KCNC4: variants seen among roughly 807,000 people sequenced by gnomAD.
KCNC4 encodes the protein voltage-gated potassium channel KCNC4.
A neutral mutation model predicts 42.8 loss-of-function variants in KCNC4; 23 were observed. The observed-to-expected ratio is 0.54, with a 90% CI of 0.39 to 0.76. KCNC4 has a LOEUF of 0.76. Among genes scored for constraint, KCNC4 ranks in the 30% least tolerant of loss-of-function variants. KCNC4 has a pLI of 0.00. For missense variants in KCNC4, 751 were observed against 898.2 expected, an observed-to-expected ratio of 0.84 and a Z score of 2.10; for synonymous variants, 422 against 393.5, an observed-to-expected ratio of 1.07 and a Z score of -0.86.
At position 110,247,152 on chromosome 1, in the gene KCNC4, TTGG is replaced by T. The variant is rs1218600487; in HGVS notation, c.*14847_*14849del. The T allele has an allele frequency of 2.0e-5, 3 of 152,208 alleles. No individual in the cohort carries two copies. In the East Asian group the frequency reaches 5.8e-4, roughly 29 times the overall value. 9.4% of individuals were successfully genotyped at this position (152,208 alleles called of 1,614,324 possible). The stretch of plus-strand genomic sequence containing the variant: ...ATTTTCTTTATCTACTAATCATCTA[TTGG>T]TGGGCAGGGCATTTAGGTTGATTCC... On this transcript the variant is annotated 3_prime_UTR_variant, in exon 4 of 4. Transcript: ENST00000369787.
rs1658616832 is a variant in KCNC4 at position 110,230,085 on chromosome 1, T to C, written c.1820-2826T>C. On this transcript the variant is annotated intron_variant, in intron 3 of 3. Coordinates refer to ENST00000438661, the MANE Select transcript of KCNC4 (RefSeq NM_001039574.3). ...GGGGTTGGGGGTGTTGTGTAAAGCC[T>C]GTGCCCGGAGTGTCCCCATCTCGGC... 2.0e-5 allele frequency among the ~76,000 whole-genome samples: 3 copies of C among 152,294 alleles called. No individual in the cohort carries two copies. In the South Asian group the frequency reaches 6.2e-4, roughly 32 times the overall value.
rs768189871 is a variant in KCNC4, at chr1:110,211,628, C to T, written c.129C>T (p.Gly43=). 2.5e-6 allele frequency: 4 copies of T among 1,613,890 alleles called. No individual in the cohort carries two copies. In the South Asian group the frequency reaches 4.4e-5, roughly 18 times the overall value. ...EASEKIIINV[G]GTRHETYRST... is the part of the protein sequence containing the mutation. Reference sequence around the variant, plus strand: ...CGGAGAAGATCATCATCAACGTGGGCGGCACGCGACATGAGACCTACCGCA... The same window carrying T: ...CGGAGAAGATCATCATCAACGTGGGTGGCACGCGACATGAGACCTACCGCA... Residue 43 remains glycine (G), a synonymous_variant, in exon 1 of 4, where the codon GGC becomes GGT. Transcript: ENST00000438661. The surrounding 1 kb of genome is among the most constrained non-coding windows in gnomAD (Gnocchi z 6.5).
At chr1:110,254,018 G>T (rs1193693205), downstream of KCNC4, among the ~76,000 whole-genome samples, 1 of 150,628 alleles carries the variant, frequency 6.6e-6, no homozygotes, top group African/African-American at 2.4e-5. Flanking sequence ...CCTTCCTCTA[G>T]CAGGAAGGGG....
intron 1 of KCNC4, among the ~76,000 whole-genome samples, chr1:110,257,720 CA>C (rs56333861): frequency 0.014 from 1,305 of 90,904 alleles, 23 homozygotes; most frequent in African/African-American, 0.059. Flanking sequence ...GACTCCGTCT[CA>C]AAAAAAAAAA....
At chr1:110,243,694 A>AGGCAGGGAAGGGGGAGG in exon 4 of KCNC4, 1 of 152,858 alleles carries the variant, frequency 6.5e-6, no homozygotes, top group Non-Finnish European at 1.5e-5. Context: ...GAGAAAAAGC[A>AGGCAGGGAAGGGGGAGG]GGTAGGGAAG....
intron 1 of KCNC4, chr1:110,221,197 G>A (rs1363592252): frequency 2.0e-5 from 3 of 152,222 alleles, no homozygotes; most frequent in African/African-American, 7.2e-5. Context: ...CCCTGCCTGG[G>A]AGGTGGTGAA....
chr1:110,262,449 C>G (rs868302269), intron 1 of KCNC4, among the ~76,000 whole-genome samples: 5 of 152,192 alleles, frequency 3.3e-5, no homozygotes, highest in African/African-American at 1.2e-4. Flanking sequence ...TTCCTCTTCC[C>G]TAACTTCCCC....
intron 3 of KCNC4, 131 bp downstream of exon 3, chr1:110,226,309 C>G (rs267597919): frequency 8.3e-6 from 6 of 727,092 alleles, no homozygotes; most frequent in East Asian, 5.4e-5. Flanking sequence ...GGATGCACCC[C>G]CACTTTTAGA....
chr1:110,256,099 T>C (rs1431903825), intron 1 of KCNC4, among the ~76,000 whole-genome samples: 1 of 152,162 alleles, frequency 6.6e-6, no homozygotes, highest in Admixed American at 6.6e-5. Flanking sequence ...CTCTTCTGGG[T>C]GGCACTGTAC....
intron 3 of KCNC4, among the ~76,000 whole-genome samples, chr1:110,231,218 G>A (rs561953243): frequency 1.4e-4 from 21 of 152,200 alleles, no homozygotes; most frequent in Non-Finnish European, 3.1e-4. Context: ...GGAGCCAGAG[G>A]GGAGGCCATG....
chr1:110,246,766 C>CTTTTTTTTTTTTTTTTTTTTTTTTTT (rs61165830), exon 4 of KCNC4: 2 of 139,374 alleles, frequency 1.4e-5, no homozygotes, highest in Non-Finnish European at 1.5e-5. Flanking sequence ...TTTTTCTTTT[C>CTTTTTTTTTTTTTTTTTTTTTTTTTT]TTTTTTTTTT....
chr1:110,264,009 T>G (rs1570579992), intron 1 of KCNC4, among the ~76,000 whole-genome samples: 1 of 152,092 alleles, frequency 6.6e-6, no homozygotes, highest in African/African-American at 2.4e-5. Context: ...GGACTTTGCA[T>G]ACAAAAAAAG....
At chr1:110,248,560 A>G (rs1305214770) in exon 4 of KCNC4, 1 of 152,168 alleles carries the variant, frequency 6.6e-6, no homozygotes, top group Non-Finnish European at 1.5e-5. Flanking sequence ...TTTTTAAAAA[A>G]TTATTTTGGC....
At chr1:110,225,909 C>T (rs929703753) in intron 2 of KCNC4, 66 bp from the exon 3 acceptor site, 66 of 1,437,652 alleles carry the variant, frequency 4.6e-5, no homozygotes, top group Non-Finnish European at 5.7e-5. Flanking sequence ...TGGGAGACCC[C>T]AGATGACCCA....
chr1:110,247,097 T>C (rs1268842586), exon 4 of KCNC4: 2 of 152,230 alleles, frequency 1.3e-5, no homozygotes, highest in African/African-American at 2.4e-5. Flanking sequence ...TTTTTATGGC[T>C]GAATAGTATT....
intron 2 of KCNC4, 143 bp downstream of exon 2, chr1:110,224,043 T>C: frequency 1.5e-6 from 1 of 678,474 alleles, no homozygotes. Context: ...GAGGGCAAAG[T>C]GTTGAGGCCG....
exon 4 of KCNC4, chr1:110,246,249 C>T (rs1230810077): frequency 6.6e-6 from 1 of 152,216 alleles, no homozygotes; most frequent in Admixed American, 6.5e-5. Flanking sequence ...CCATCCTGAC[C>T]TCAGAAGCCA....
At chr1:110,275,994 T>G (rs1460799082) in intron 1 of KCNC4, among the ~76,000 whole-genome samples, 3 of 151,562 alleles carry the variant, frequency 2.0e-5, no homozygotes, top group Non-Finnish European at 4.4e-5. Context: ...TCATGTATTT[T>G]TCAACAAAAT....
In KCNC4 at chr1:110,233,007, C is replaced by G; in HGVS notation, c.*35C>G. ...AACGTGAGAGAGACAGGCAGACAGA[C>G]AGAAAGCCAGAGGCTTAGGGAAACT... On this transcript the variant is annotated 3_prime_UTR_variant, in exon 4 of 4. Transcript: ENST00000438661. The G allele has an allele frequency of 6.2e-7, 1 of 1,600,150 alleles. No individual in the cohort carries two copies. Among genetic ancestry groups the G allele is most frequent in the Non-Finnish European group, 8.5e-7 (1 of 1,173,480 alleles).
Sources: gnomAD v4.1 joint callset for allele counts (sites outside exome capture counted in the v4.1 genomes callset) on GRCh38, gnomAD v4.1.1 for gene constraint, Gnocchi (gnomAD v3.1) non-coding constraint, MANE v1.5 for transcripts, NCBI Gene and HGNC (gene_info 2026-07-23, HGNC 2026-07-21) for gene names.